Variants in INPP5A observed in about 807,000 individuals in gnomAD.
INPP5A encodes 43 kDa inositol polyphosphate 5-phophatase.
A neutral mutation model predicts 65.2 loss-of-function variants in INPP5A; 14 were observed. The ratio of observed to expected loss-of-function variants is 0.21; its 90% confidence interval spans 0.14 to 0.34. The LOEUF is 0.34. INPP5A is among the 10% of genes least tolerant of loss of function. The probability of loss-of-function intolerance (pLI) is 1.00; values close to 1 mark genes in which losing one functional copy is unlikely to be tolerated. For missense variants in INPP5A, 431 were observed against 545.6 expected (o/e 0.79, Z 2.09); for synonymous variants, 207 against 208.3 (o/e 0.99, Z 0.05).
chr10:132,655,759 G>C (rs2072648213), intron 4 of INPP5A, among the ~76,000 whole-genome samples: 1 of 152,256 alleles, frequency 6.6e-6, no homozygotes, highest in South Asian at 2.1e-4. Flanking sequence ...GTAGGGACTT[G>C]AGGCTTGCTT....
At chr10:132,552,573 G>A (rs2071069710) in intron 1 of INPP5A, among the ~76,000 whole-genome samples, 1 of 136,512 alleles carries the variant, frequency 7.3e-6, no homozygotes, top group East Asian at 2.4e-4. Flanking sequence ...AGGGAGGGAG[G>A]ATTGGTGAAT....
rs547125761 is a variant in INPP5A, at chr10:132,631,751, C to T, written c.118-14117C>T. 4.6e-5 allele frequency among the ~76,000 whole-genome samples: 7 copies of T among 152,374 alleles called. No homozygotes were observed. The South Asian group carries it at 8.3e-4, about 18-fold the overall frequency. ...GGGTGCTGCTTGTTTGGCTGGTGAA[C>T]GTGCTTTTTCTTGCCATGCCTTTCC... On this transcript the variant is annotated intron_variant, in intron 2 of 15. Transcript: ENST00000368594.
In INPP5A at chr10:132,663,587, G is replaced by C. The variant is rs570495116; in HGVS notation, c.306+13082G>C. On this transcript the variant is annotated intron_variant, in intron 4 of 15. Coordinates refer to ENST00000368594, the MANE Select transcript of INPP5A (RefSeq NM_005539.5). The surrounding 1 kb of genome is among the most constrained non-coding windows in gnomAD (Gnocchi z 4.5). Reference sequence around the variant, plus strand: ...GAATGTAACATTATTCCCACTCAATGAGTGATTTTGGTCGACGTTCACCTG... The same window carrying C: ...GAATGTAACATTATTCCCACTCAATCAGTGATTTTGGTCGACGTTCACCTG... Among the ~76,000 whole-genome samples the C allele has an allele frequency of 6.6e-6, 1 of 152,228 alleles. No homozygotes were observed. The highest frequency in any genetic ancestry group is 1.5e-5 in the Non-Finnish European group (1 of 68,046).
intron 6 of INPP5A, among the ~76,000 whole-genome samples, chr10:132,701,955 C>T (rs938126227): frequency 2.0e-5 from 3 of 152,216 alleles, no homozygotes; most frequent in Non-Finnish European, 4.4e-5. Context: ...GTGGGGCCAC[C>T]GAAGGGTGCA....
At chr10:132,775,160 AGGGGCAGAGAGG>A (rs1847037514) in intron 12 of INPP5A, among the ~76,000 whole-genome samples, 1 of 28,612 alleles carries the variant, frequency 3.5e-5, no homozygotes, top group East Asian at 9.4e-4. Flanking sequence ...GGGAGGAGAG[AGGGGCAGAGAGG>A]AGGGGCAGGG....
intron 11 of INPP5A, among the ~76,000 whole-genome samples, chr10:132,752,807 G>C (rs1257731578): frequency 6.6e-6 from 1 of 152,102 alleles, no homozygotes; most frequent in Non-Finnish European, 1.5e-5. Flanking sequence ...TTTTGACACA[G>C]AGCACGCCCC....
At chr10:132,718,952 G>T (rs1435288590) in intron 8 of INPP5A, among the ~76,000 whole-genome samples, 4 of 127,012 alleles carry the variant, frequency 3.1e-5, no homozygotes, top group Non-Finnish European at 6.7e-5. Context: ...CTGTCTGGGC[G>T]CCTTAGACGA....
In INPP5A at chr10:132,705,315, AC is replaced by A. The variant is rs950864419; in HGVS notation, c.475-2994del. Among the ~76,000 whole-genome samples, 2 of 151,344 alleles carry A rather than the reference AC, an allele frequency of 1.3e-5. No individual in the cohort carries two copies. Among genetic ancestry groups the A allele is most frequent in the African/African-American group, 4.8e-5 (2 of 41,290 alleles). On this transcript the variant is annotated intron_variant, in intron 6 of 15. Coordinates refer to ENST00000368594, the MANE Select transcript of INPP5A (RefSeq NM_005539.5). This position sits in a 1 kb window ranked among gnomAD's most constrained non-coding sequence, Gnocchi z 4.9. ...TGGTGCAGCACGCAGGGAGCCTGCC[AC>A]CCCGCCACCCCGCCATAGAGCTCCC...
rs144397739 is a variant in INPP5A at position 132,709,466 on chromosome 10, G to A, written c.528-871G>A. The stretch of plus-strand genomic sequence containing the variant: ...ACAGAGGGAGCTGAGAAGGAGCCGC[G>A]GTCCCGTGCCCACCCCAGGCAGTGC... On this transcript the variant is annotated intron_variant, in intron 7 of 15. Transcript: ENST00000368594. 1.4e-3 allele frequency among the ~76,000 whole-genome samples: 213 copies of A among 152,112 alleles called. 1 individual carries two copies. Among genetic ancestry groups the A allele is most frequent in the African/African-American group, 4.5e-3 (188 of 41,486 alleles).
chr10:132,572,471 GGGGGATGCTGAGCACGCCCGCCC>G (rs1230423935), intron 1 of INPP5A, among the ~76,000 whole-genome samples: 1 of 152,136 alleles, frequency 6.6e-6, no homozygotes, highest in Non-Finnish European at 1.5e-5. Flanking sequence ...TCCTGGGGGA[GGGGGATGCTGAGCACGCCCGCCC>G]GGGGCTGCTT....
chr10:132,575,775 C>G lies in INPP5A; in HGVS notation c.76-32140C>G, dbSNP rs112640578. ...GCCGTGGGCTCCCGCGTGGTGTGTG[C>G]GGCCCAGGGCCCTGGCAGTGGGGAG... On this transcript the variant is annotated intron_variant, in intron 1 of 15. Transcript: ENST00000368594. The surrounding 1 kb of genome is among the most constrained non-coding windows in gnomAD (Gnocchi z 5.4). 2.9e-3 allele frequency among the ~76,000 whole-genome samples: 448 copies of G among 152,246 alleles called. 2 individuals are homozygous for G. Among genetic ancestry groups the G allele is most frequent in the African/African-American group, 0.01 (428 of 41,546 alleles).
chr10:132,563,635 G>A (rs1041379669), intron 1 of INPP5A, among the ~76,000 whole-genome samples: 7 of 152,084 alleles, frequency 4.6e-5, no homozygotes, highest in African/African-American at 1.2e-4. Context: ...GCTGAAAAAC[G>A]AAGTGCGAGT....
intron 9 of INPP5A, among the ~76,000 whole-genome samples, chr10:132,740,519 T>C (rs554802566): frequency 6.6e-6 from 1 of 152,152 alleles, no homozygotes; most frequent in South Asian, 2.1e-4. Context: ...GTCAGTTCTG[T>C]TTTCTAGAGT....
At chr10:132,749,721 G>A (rs775426199) in intron 10 of INPP5A, 50 bp from the exon 11 acceptor site, 33 of 1,600,018 alleles carry the variant, frequency 2.1e-5, no homozygotes, top group East Asian at 2.0e-4. Flanking sequence ...TAGGGGACAC[G>A]CACAAGGCTG....
In INPP5A at chr10:132,770,381, A is replaced by G. The variant is rs1163791415; in HGVS notation, c.977+4535A>G. ...TCGCGGAGGCCGTGGTGCTGTGCAT[A>G]GTCAGCCGGGGTTTGGCTCTCCCTC... is the stretch of plus-strand genomic sequence containing the variant. On this transcript the variant is annotated intron_variant, in intron 12 of 15. Transcript: ENST00000368594. 4.6e-5 allele frequency among the ~76,000 whole-genome samples: 7 copies of G among 152,216 alleles called. No homozygotes were observed. The East Asian group carries it at 1.3e-3, about 29-fold the overall frequency.
chr10:132,572,670 G>A (rs75806684), intron 1 of INPP5A, among the ~76,000 whole-genome samples: 2,292 of 152,294 alleles, frequency 0.015, 31 homozygotes, highest in South Asian at 0.038. Flanking sequence ...TAATGGGCTA[G>A]TGTGCTTGTT....
At position 132,747,775 on chromosome 10, in the gene INPP5A, G is replaced by A. The variant is rs542518262; in HGVS notation, c.733-1742G>A. 2.0e-5 allele frequency among the ~76,000 whole-genome samples: 3 copies of A among 152,344 alleles called. No individual in the cohort carries two copies. The East Asian group carries it at 5.8e-4, about 29-fold the overall frequency. ...AAAAAAACAGATTTATAGGCCAGGT[G>A]CAGCTGCTCACACATGTAATCCTAG... On this transcript the variant is annotated intron_variant, in intron 9 of 15. Transcript: ENST00000368594.
At chr10:132,688,869 T>C (rs1370979987) in intron 4 of INPP5A, among the ~76,000 whole-genome samples, 1 of 151,406 alleles carries the variant, frequency 6.6e-6, no homozygotes, top group Admixed American at 6.6e-5. Flanking sequence ...CATGAGTTAG[T>C]GCATGAGTGT....
At chr10:132,590,772 T>C (rs973841762) in intron 1 of INPP5A, among the ~76,000 whole-genome samples, 7 of 152,250 alleles carry the variant, frequency 4.6e-5, no homozygotes, top group Non-Finnish European at 7.3e-5. Context: ...CTTTGCTCTT[T>C]CTGGCATTGC....
Sources: allele counts gnomAD v4.1 joint callset (sites outside exome capture counted in the v4.1 genomes callset), GRCh38; gene constraint gnomAD v4.1.1; non-coding constraint Gnocchi (gnomAD v3.1); transcripts MANE v1.5; gene names NCBI Gene and HGNC (gene_info 2026-07-23, HGNC 2026-07-21).